PLCB4: variants seen among roughly 807,000 people sequenced by gnomAD.
PLCB4 encodes phospholipase C beta 4.
PLCB4 carries 77 observed loss-of-function variants against 178.8 expected under a neutral mutation model. The ratio of observed to expected loss-of-function variants is 0.43; its 90% CI spans 0.36 to 0.52. The LOEUF (loss-of-function observed/expected upper bound fraction) is 0.52, where lower values mean the gene tolerates loss of function less well. Ranked by LOEUF, PLCB4 falls within the 20% of genes least tolerant of loss-of-function variation. The probability of loss-of-function intolerance (pLI) is 0.00; values close to 1 mark genes in which losing one functional copy is unlikely to be tolerated. For synonymous variants in PLCB4, 496 were observed against 490.8 expected (o/e 1.01, Z -0.14); for missense variants, 1,024 against 1,453.4 (o/e 0.70, Z 4.80).
At chr20:9,279,219 C>A (rs1294858810) in intron 3 of PLCB4, among the ~76,000 whole-genome samples, 1 of 151,996 alleles carries the variant, frequency 6.6e-6, no homozygotes, top group East Asian at 1.9e-4. Context: ...TTTGTGTATT[C>A]CTTTATCTGT....
At chr20:9,376,419 GA>G (rs2036678182) in intron 12 of PLCB4, among the ~76,000 whole-genome samples, 1 of 152,162 alleles carries the variant, frequency 6.6e-6, no homozygotes, top group Non-Finnish European at 1.5e-5. Context: ...TCTCCATTAA[GA>G]ATTTAGCCAT....
chr20:9,474,247 A>G (rs547375580), intron 38 of PLCB4, among the ~76,000 whole-genome samples: 3 of 151,916 alleles, frequency 2.0e-5, no homozygotes, highest in African/African-American at 7.2e-5. Flanking sequence ...CCCAAACACC[A>G]ACTGTTTAGT....
intron 3 of PLCB4, among the ~76,000 whole-genome samples, chr20:9,306,309 G>T (rs2094764994): frequency 6.6e-6 from 1 of 152,092 alleles, no homozygotes; most frequent in African/African-American, 2.4e-5. Context: ...GTTTCGCCAT[G>T]TTGGCCAGGC....
intron 2 of PLCB4, among the ~76,000 whole-genome samples, chr20:9,210,011 G>A (rs1337958543): frequency 2.7e-5 from 4 of 146,642 alleles, no homozygotes; most frequent in African/African-American, 7.5e-5. Context: ...ACCCAGAAAC[G>A]ATGTCTGGAC....
At chr20:9,163,637 T>C (rs1383417247) in intron 2 of PLCB4, among the ~76,000 whole-genome samples, 5 of 152,152 alleles carry the variant, frequency 3.3e-5, no homozygotes, top group African/African-American at 1.2e-4. Flanking sequence ...ATTATGCTTA[T>C]AGATTTATTC....
chr20:9,194,482 C>G (rs148204260), intron 2 of PLCB4, among the ~76,000 whole-genome samples: 7,047 of 151,822 alleles, frequency 0.046, 234 homozygotes, highest in East Asian at 0.17. Context: ...GTCAGGAGAT[C>G]GAGACCATCC....
chr20:9,364,667 G>A (rs1298225934), intron 8 of PLCB4, among the ~76,000 whole-genome samples: 7 of 152,086 alleles, frequency 4.6e-5, no homozygotes, highest in East Asian at 1.9e-4. Context: ...AAAACATCCC[G>A]TTATTAAAGT....
intron 36 of PLCB4, among the ~76,000 whole-genome samples, chr20:9,471,885 C>G (rs2044216534): frequency 6.6e-6 from 1 of 152,152 alleles, no homozygotes; most frequent in South Asian, 2.1e-4. Flanking sequence ...CCTACAGCAG[C>G]CTTTGCCTGT....
chr20:9,403,379 G>A (rs1428620072), intron 20 of PLCB4, among the ~76,000 whole-genome samples: 1 of 152,058 alleles, frequency 6.6e-6, no homozygotes, highest in African/African-American at 2.4e-5. Context: ...GAAGTAGGAG[G>A]GAAATTAGGC....
chr20:9,261,260 G>A (rs2094294630), intron 3 of PLCB4, among the ~76,000 whole-genome samples: 1 of 151,410 alleles, frequency 6.6e-6, no homozygotes, highest in South Asian at 2.1e-4. Context: ...TTTTGTTAAT[G>A]TTTACTTCTT....
intron 2 of PLCB4, among the ~76,000 whole-genome samples, chr20:9,101,431 A>T (rs2091146877): frequency 6.6e-6 from 1 of 152,098 alleles, no homozygotes; most frequent in African/African-American, 2.4e-5. Flanking sequence ...TGAACAGAAA[A>T]TCTTTAATAG....
chr20:9,365,044 C>G (rs2035656139), intron 8 of PLCB4, among the ~76,000 whole-genome samples: 1 of 152,156 alleles, frequency 6.6e-6, no homozygotes. Context: ...TATTACAGAG[C>G]AATAATCGAG....
chr20:9,171,166 T>G (rs1011839612), intron 2 of PLCB4, among the ~76,000 whole-genome samples: 1 of 152,208 alleles, frequency 6.6e-6, no homozygotes, highest in Non-Finnish European at 1.5e-5. Context: ...AACGATGGGT[T>G]TATTCAGGTA....
chr20:9,437,531 C>T (rs1489273277), intron 30 of PLCB4, among the ~76,000 whole-genome samples: 1 of 152,170 alleles, frequency 6.6e-6, no homozygotes. Context: ...CAAAGAATCA[C>T]GTGTCTCATA....
chr20:9,370,311 T>C (rs537560891), intron 9 of PLCB4, among the ~76,000 whole-genome samples: 1 of 152,326 alleles, frequency 6.6e-6, no homozygotes, highest in African/African-American at 2.4e-5. Context: ...ACCCATCATG[T>C]TGACAGTAAA....
chr20:9,208,274 C>T (rs963820320), intron 2 of PLCB4, among the ~76,000 whole-genome samples: 1 of 152,186 alleles, frequency 6.6e-6, no homozygotes, highest in Admixed American at 6.5e-5. Flanking sequence ...TCAGTCTGCT[C>T]ATCTATAAAC....
At chr20:9,079,725 C>T (rs2090054917) in intron 1 of PLCB4, among the ~76,000 whole-genome samples, 1 of 152,106 alleles carries the variant, frequency 6.6e-6, no homozygotes. Flanking sequence ...AAAACTGCAT[C>T]TACAGTGATT....
chr20:9,127,042 T>G (rs777030881), intron 2 of PLCB4, among the ~76,000 whole-genome samples: 6 of 152,148 alleles, frequency 3.9e-5, no homozygotes, highest in Non-Finnish European at 5.9e-5. Flanking sequence ...ATTTTAAAGC[T>G]AGATGGGAAT....
intron 13 of PLCB4, among the ~76,000 whole-genome samples, chr20:9,382,024 T>G (rs1480740409): frequency 1.3e-5 from 2 of 152,190 alleles, no homozygotes; most frequent in Non-Finnish European, 2.9e-5. Context: ...ACTCTCCATC[T>G]GGATGTTGAA....
Sources: gnomAD v4.1 joint callset for allele counts (sites outside exome capture counted in the v4.1 genomes callset) on GRCh38, gnomAD v4.1.1 for gene constraint, MANE v1.5 for transcripts, NCBI Gene and HGNC (gene_info 2026-07-23, HGNC 2026-07-21) for gene names.